Variants in GRM7 observed in about 807,000 individuals in gnomAD.
GRM7 encodes metabotropic glutamate receptor 7.
In GRM7, 35 loss-of-function variants were observed where a neutral mutation model predicts 84.5. That is an observed-to-expected ratio of 0.41 (90% CI 0.32 to 0.55). The LOEUF is 0.55. Among genes scored for constraint, GRM7 ranks in the 20% least tolerant of loss-of-function variants. GRM7 has a pLI of 0.19. For missense variants in GRM7, 1,003 were observed against 1,194.6 expected (o/e 0.84, Z 2.36); for synonymous variants, 487 against 455.1 (o/e 1.07, Z -0.89).
chr3:7,374,205 G>C (rs1411273810), intron 4 of GRM7, among the ~76,000 whole-genome samples: 3 of 151,636 alleles, frequency 2.0e-5, no homozygotes, highest in African/African-American at 7.3e-5. Flanking sequence ...AGCACTTATA[G>C]ATACTCTATG....
chr3:7,209,976 G>T (rs1441445590), intron 2 of GRM7, among the ~76,000 whole-genome samples: 1 of 152,148 alleles, frequency 6.6e-6, no homozygotes. Context: ...AAACATTTAA[G>T]CAAGATTGTC....
rs140028243 is a variant in GRM7 at position 7,603,488 on chromosome 3, T to C, written c.2451+24131T>C. 6.1e-4 allele frequency among the ~76,000 whole-genome samples: 93 copies of C among 152,284 alleles called. 1 individual carries two copies. The East Asian group carries it at 0.013, about 21-fold the overall frequency. On this transcript the variant is annotated intron_variant, in intron 8 of 9. Transcript: ENST00000357716. Reference sequence around the variant, plus strand: ...AGCACTGAGGATTTCCAAGGGTTATTGTTCTAGGTTTTGTTACATCCCAGA... The same window carrying C: ...AGCACTGAGGATTTCCAAGGGTTATCGTTCTAGGTTTTGTTACATCCCAGA...
chr3:7,261,920 C>CCCTTCCTTCCCTCCCTCCCTTCCTT, intron 2 of GRM7, among the ~76,000 whole-genome samples: 2 of 133,824 alleles, frequency 1.5e-5, no homozygotes, highest in Non-Finnish European at 3.2e-5. Context: ...CTCCCTTCCT[C>CCCTTCCTTCCCTCCCTCCCTTCCTT]CCTTCCTTCC....
chr3:7,447,915 A>G (rs1365835462), intron 5 of GRM7, among the ~76,000 whole-genome samples: 24 of 96,494 alleles, frequency 2.5e-4, no homozygotes, highest in Non-Finnish European at 3.7e-4. Context: ...CCACCCCACA[A>G]CAGTCCCCGG....
rs1400756248 is a variant in GRM7 at position 6,861,160 on chromosome 3, A to AGCGCG, written c.-223_-219dup. 4 of 433,766 alleles carry AGCGCG rather than the reference A, an allele frequency of 9.2e-6. No homozygotes were observed. The highest frequency in any genetic ancestry group is 4.1e-5 in the African/African-American group (2 of 48,286). 26.9% of individuals were successfully genotyped at this position (433,766 alleles called of 1,614,324 possible). A position where few individuals can be genotyped will look rare whatever the true frequency, so the allele number is the denominator to read the frequency against. Reference sequence around the variant, plus strand: ...AGCGAGCAGCAAGCCGGTGAGCGCGAGCGCGGCGCGCCGGCCGGCTAACCC... The same window carrying AGCGCG: ...AGCGAGCAGCAAGCCGGTGAGCGCGAGCGCGGCGCGGCGCGCCGGCCGGCTAACCC... On this transcript the variant is annotated 5_prime_UTR_variant, in exon 1 of 10. Coordinates refer to ENST00000357716, the MANE Select transcript of GRM7 (RefSeq NM_000844.4). The surrounding 1 kb of genome is among the most constrained non-coding windows in gnomAD (Gnocchi z 6.4).
Position 7,282,750 on chromosome 3 carries a change from A to G in GRM7, c.737-15934A>G, listed in dbSNP as rs1699298191. ...TTTTGCAGTGCTTCTCAAAATGTTT[A>G]ATATATTAAAGCTGTATTATGAAAC... On this transcript the variant is annotated intron_variant, in intron 2 of 9. Transcript: ENST00000357716. Among the ~76,000 whole-genome samples the G allele has an allele frequency of 2.0e-5, 3 of 152,178 alleles. No homozygotes were observed. The South Asian group carries it at 6.2e-4, about 31-fold the overall frequency.
At chr3:7,194,901 ATT>A (rs1695830104) in intron 2 of GRM7, among the ~76,000 whole-genome samples, 1 of 152,050 alleles carries the variant, frequency 6.6e-6, no homozygotes, top group African/African-American at 2.4e-5. Flanking sequence ...TTGCTCAGGG[ATT>A]CTATGATAGT....
chr3:7,615,947 A>G (rs934473581), intron 8 of GRM7, among the ~76,000 whole-genome samples: 3 of 151,988 alleles, frequency 2.0e-5, no homozygotes, highest in African/African-American at 7.2e-5. Flanking sequence ...TTATAAGTGT[A>G]TTACATATAT....
chr3:7,598,623 A>G (rs1187616294), intron 8 of GRM7, among the ~76,000 whole-genome samples: 1 of 152,214 alleles, frequency 6.6e-6, no homozygotes, highest in Non-Finnish European at 1.5e-5. Flanking sequence ...GTAGGACTTT[A>G]TAATTCTTGG....
At chr3:7,328,334 A>G (rs1479896013) in intron 4 of GRM7, among the ~76,000 whole-genome samples, 1 of 152,214 alleles carries the variant, frequency 6.6e-6, no homozygotes, top group Non-Finnish European at 1.5e-5. Context: ...GTTTGATGTA[A>G]GAGAAACTAT....
At chr3:7,729,989 C>T (rs1575677445) in intron 9 of GRM7, among the ~76,000 whole-genome samples, 1 of 151,734 alleles carries the variant, frequency 6.6e-6, no homozygotes. Context: ...ATTCTCCTGC[C>T]TCAGTCTCCC....
At chr3:6,972,596 G>T (rs1215659848) in intron 1 of GRM7, among the ~76,000 whole-genome samples, 1 of 152,154 alleles carries the variant, frequency 6.6e-6, no homozygotes, top group Non-Finnish European at 1.5e-5. Flanking sequence ...AGGCCTATTG[G>T]CAAGAACTTG....
rs370068300 is a variant in GRM7 at position 7,435,558 on chromosome 3, G to T, written c.1175-17049G>T. ...ATGGAGTTTCACTCTTGTCACCCAG[G>T]CTGGAGTACAATGGCACGATCTCAG... On this transcript the variant is annotated intron_variant, in intron 5 of 9. Coordinates refer to ENST00000357716, the MANE Select transcript of GRM7 (RefSeq NM_000844.4). 9.3e-4 allele frequency among the ~76,000 whole-genome samples: 141 copies of T among 152,020 alleles called. 5 individuals are homozygous for T. The South Asian group carries it at 0.026, about 29-fold the overall frequency.
At chr3:7,463,273 T>C (rs1698323864) in intron 7 of GRM7, among the ~76,000 whole-genome samples, 1 of 152,242 alleles carries the variant, frequency 6.6e-6, no homozygotes, top group Non-Finnish European at 1.5e-5. Context: ...CCGTAAGAGT[T>C]CCCAAGTAGC....
intron 1 of GRM7, among the ~76,000 whole-genome samples, chr3:6,915,590 A>G (rs1696915752): frequency 1.3e-5 from 2 of 152,170 alleles, no homozygotes; most frequent in East Asian, 1.9e-4. Context: ...TGCATGTTAC[A>G]TTTTCAAGCT....
chr3:7,507,540 A>G (rs1700074670), intron 7 of GRM7, among the ~76,000 whole-genome samples: 1 of 152,212 alleles, frequency 6.6e-6, no homozygotes, highest in Non-Finnish European at 1.5e-5. Context: ...AGCTAATTAA[A>G]ACCAATTAAC....
chr3:7,301,864 G>A (rs547468102), intron 3 of GRM7, among the ~76,000 whole-genome samples: 1 of 152,216 alleles, frequency 6.6e-6, no homozygotes, highest in East Asian at 1.9e-4. Context: ...TTGTAGATGG[G>A]AAAATTTGAG....
intron 1 of GRM7, among the ~76,000 whole-genome samples, chr3:7,015,675 G>GAA (rs1695536977): frequency 6.6e-6 from 1 of 152,176 alleles, no homozygotes; most frequent in South Asian, 2.1e-4. Context: ...TAGAGCCAGA[G>GAA]AATACATTTC....
At chr3:7,381,048 A>G (rs1366190502) in intron 4 of GRM7, among the ~76,000 whole-genome samples, 3 of 152,210 alleles carry the variant, frequency 2.0e-5, no homozygotes, top group African/African-American at 7.2e-5. Context: ...TGGAAGCAGA[A>G]GAAATTTATC....
Sources: gnomAD v4.1 joint callset for allele counts (sites outside exome capture counted in the v4.1 genomes callset) on GRCh38, gnomAD v4.1.1 for gene constraint, Gnocchi (gnomAD v3.1) non-coding constraint, MANE v1.5 for transcripts, NCBI Gene and HGNC (gene_info 2026-07-23, HGNC 2026-07-21) for gene names.